MAP2: variants seen among roughly 807,000 people sequenced by gnomAD.
MAP2 encodes the protein microtubule associated protein 2, also known as microtubule-associated protein 2.
MAP2 carries 14 observed loss-of-function variants against 137.6 expected under a neutral mutation model. The observed-to-expected ratio is 0.10, with a 90% CI of 0.07 to 0.16. The LOEUF is 0.16. Among genes scored for constraint, MAP2 ranks in the 10% least tolerant of loss-of-function variants. The pLI is 1.00. For missense variants in MAP2, 2,088 were observed against 2,191.5 expected (o/e 0.95, Z 0.94); for synonymous variants, 786 against 782.3 (o/e 1.00, Z -0.08).
intron 7 of MAP2, among the ~76,000 whole-genome samples, chr2:209,685,413 C>T (rs1322994857): frequency 6.6e-6 from 1 of 152,170 alleles, no homozygotes; most frequent in Non-Finnish European, 1.5e-5. Context: ...CTAATGTCTT[C>T]TGTCATTATC....
intron 13 of MAP2, chr2:209,721,846 C>G (rs1291254776): frequency 6.6e-6 from 1 of 152,108 alleles, no homozygotes; most frequent in Non-Finnish European, 1.5e-5. Flanking sequence ...CACATCATGT[C>G]TATGTCATTG....
chr2:209,593,460 G>T (rs1234967318), intron 3 of MAP2, among the ~76,000 whole-genome samples: 13 of 147,438 alleles, frequency 8.8e-5, no homozygotes, highest in African/African-American at 3.3e-4. Flanking sequence ...CTGACTAATG[G>T]TTCTAGGTAA....
intron 2 of MAP2, among the ~76,000 whole-genome samples, chr2:209,561,842 C>G (rs1422035874): frequency 1.3e-5 from 2 of 152,070 alleles, no homozygotes; most frequent in African/African-American, 2.4e-5. Context: ...CTGTATTATC[C>G]AGACCACCAA....
intron 5 of MAP2, among the ~76,000 whole-genome samples, chr2:209,676,005 C>G (rs1049510682): frequency 5.9e-5 from 9 of 151,690 alleles, no homozygotes; most frequent in Non-Finnish European, 1.2e-4. Context: ...ATGAACAAAA[C>G]CTTTCATATT....
rs183752962 is a variant in MAP2, at chr2:209,667,075, T to A, written c.263-11497T>A. On this transcript the variant is annotated intron_variant, in intron 5 of 15. Coordinates refer to ENST00000682079, the MANE Select transcript of MAP2 (RefSeq NM_001375505.1). ...TTTTTAAAGAGTATTTTGGACACTC[T>A]AAACTCTATTTAAAATGTTGAGGTA... is the stretch of plus-strand genomic sequence containing the variant. Among the ~76,000 whole-genome samples, 413 of 152,210 alleles carry A rather than the reference T, an allele frequency of 2.7e-3. 1 individual carries two copies. The highest frequency in any genetic ancestry group is 4.8e-3 in the Non-Finnish European group (327 of 67,934).
intron 2 of MAP2, among the ~76,000 whole-genome samples, chr2:209,509,242 A>G (rs1260257327): frequency 6.6e-6 from 1 of 152,016 alleles, no homozygotes; most frequent in East Asian, 1.9e-4. Context: ...TTGTTAGACT[A>G]TAAAAAACTA....
At chr2:209,728,010 TGTAGTCCTAGCTACTCA>T (rs1485392332) in intron 14 of MAP2, among the ~76,000 whole-genome samples, 1 of 152,146 alleles carries the variant, frequency 6.6e-6, no homozygotes, top group Non-Finnish European at 1.5e-5. Flanking sequence ...AGTGCACACC[TGTAGTCCTAGCTACTCA>T]GAGGGCTGAG....
At chr2:209,496,225 C>CT (rs1224878591) in intron 1 of MAP2, among the ~76,000 whole-genome samples, 2 of 152,166 alleles carry the variant, frequency 1.3e-5, no homozygotes, top group Non-Finnish European at 2.9e-5. Context: ...GTATACCACA[C>CT]TAAGTGCTTG....
chr2:209,485,089 T>C (rs963597479), intron 1 of MAP2, among the ~76,000 whole-genome samples: 5 of 152,214 alleles, frequency 3.3e-5, no homozygotes, highest in African/African-American at 1.2e-4. Flanking sequence ...AGCGTGTCTA[T>C]AGTTTCTTTG....
Position 209,612,819 on chromosome 2 carries a change from A to C in MAP2, c.-106-12234A>C, listed in dbSNP as rs190573459. On this transcript the variant is annotated intron_variant, in intron 3 of 15. Transcript: ENST00000682079. ...ATAGTATTAGAACAAGTTTTACAGGAAATCTTATTTAAGAGCAGAAAATGC... is the reference window on the plus strand; with the variant it reads ...ATAGTATTAGAACAAGTTTTACAGGCAATCTTATTTAAGAGCAGAAAATGC... 1.9e-4 allele frequency among the ~76,000 whole-genome samples: 29 copies of C among 152,312 alleles called. No individual in the cohort carries two copies. In the East Asian group the frequency reaches 5.6e-3, roughly 29 times the overall value.
chr2:209,457,999 T>A, intron 1 of MAP2, among the ~76,000 whole-genome samples: 1 of 152,188 alleles, frequency 6.6e-6, no homozygotes, highest in East Asian at 1.9e-4. Flanking sequence ...TTTTGTTAAA[T>A]TTTAAAAGGC....
chr2:209,601,822 C>T (rs1463582250), intron 3 of MAP2, among the ~76,000 whole-genome samples: 1 of 152,086 alleles, frequency 6.6e-6, no homozygotes, highest in East Asian at 1.9e-4. Context: ...TGAAGGAGTA[C>T]TACTTATATT....
intron 7 of MAP2, among the ~76,000 whole-genome samples, chr2:209,681,251 A>C (rs1401359887): frequency 6.6e-6 from 1 of 152,182 alleles, no homozygotes; most frequent in Non-Finnish European, 1.5e-5. Context: ...GTCAGGAATT[A>C]TCTCTGTTTT....
intron 2 of MAP2, among the ~76,000 whole-genome samples, chr2:209,528,751 CATATGTATGTAT>C (rs893578441): frequency 7.0e-6 from 1 of 142,652 alleles, no homozygotes; most frequent in Non-Finnish European, 1.5e-5. Context: ...TATATATGTA[CATATGTATGTAT>C]ATATGTATAT....
intron 5 of MAP2, among the ~76,000 whole-genome samples, chr2:209,675,331 A>T (rs925597517): frequency 1.3e-5 from 2 of 151,832 alleles, no homozygotes; most frequent in African/African-American, 4.8e-5. Flanking sequence ...ACACACTTAT[A>T]AATTCATTTT....
chr2:209,583,942 A>C (rs1283348117), intron 3 of MAP2, among the ~76,000 whole-genome samples: 1 of 151,942 alleles, frequency 6.6e-6, no homozygotes, highest in Non-Finnish European at 1.5e-5. Context: ...GCGCTTTAGT[A>C]GTCCCCAGTG....
chr2:209,613,814 A>G (rs1460223865), intron 3 of MAP2, among the ~76,000 whole-genome samples: 1 of 152,186 alleles, frequency 6.6e-6, no homozygotes. Flanking sequence ...TGTGCCTGCA[A>G]ATACCAAAGG....
intron 2 of MAP2, among the ~76,000 whole-genome samples, chr2:209,509,268 A>C (rs1473289600): frequency 6.6e-6 from 1 of 151,990 alleles, no homozygotes; most frequent in African/African-American, 2.4e-5. Context: ...AACGCACAAA[A>C]ATTTTTCATA....
At chr2:209,653,891 C>T (rs1009106191) in intron 5 of MAP2, among the ~76,000 whole-genome samples, 2 of 152,140 alleles carry the variant, frequency 1.3e-5, no homozygotes, top group African/African-American at 4.8e-5. Flanking sequence ...AGCTTTTCTA[C>T]ATGCAAGGTG....
Sources: allele counts gnomAD v4.1 joint callset (sites outside exome capture counted in the v4.1 genomes callset), GRCh38; gene constraint gnomAD v4.1.1; transcripts MANE v1.5; gene names NCBI Gene and HGNC (gene_info 2026-07-23, HGNC 2026-07-21).